Variants in MCC observed in about 807,000 individuals in gnomAD.
The protein encoded by MCC is colorectal mutant cancer protein.
A neutral mutation model predicts 116.2 loss-of-function variants in MCC; 90 were observed. The ratio of observed to expected loss-of-function variants is 0.77; its 90% CI spans 0.65 to 0.92. MCC has a LOEUF of 0.92. Ranked by LOEUF, MCC falls within the 40% of genes least tolerant of loss-of-function variation. The pLI, the probability that MCC is intolerant of heterozygous loss-of-function variation, is 0.00. For synonymous variants in MCC, 578 were observed against 510.5 expected (o/e 1.13, Z -1.78); for missense variants, 1,516 against 1,312.2 (o/e 1.16, Z -2.40).
At chr5:113,340,497 C>T in intron 3 of MCC, 22 bp downstream of exon 3, 1 of 1,607,704 alleles carries the variant, frequency 6.2e-7, no homozygotes, top group South Asian at 1.1e-5. Flanking sequence ...AATATGTATT[C>T]CATGAACCAA....
At chr5:113,465,428 A>G (rs911729145) in intron 1 of MCC, among the ~76,000 whole-genome samples, 2 of 152,162 alleles carry the variant, frequency 1.3e-5, no homozygotes, top group Admixed American at 6.5e-5. Context: ...TAAAATACTT[A>G]TAAGAAAATA....
chr5:113,468,257 G>T (rs1356825380), intron 1 of MCC, among the ~76,000 whole-genome samples: 2 of 152,122 alleles, frequency 1.3e-5, no homozygotes, highest in Non-Finnish European at 2.9e-5. Context: ...CCTGTCTTGT[G>T]CCAGTTTTCA....
chr5:113,129,693 T>C (rs1271794889), intron 5 of MCC, among the ~76,000 whole-genome samples: 1 of 152,218 alleles, frequency 6.6e-6, no homozygotes, highest in African/African-American at 2.4e-5. Context: ...CAGACACTTT[T>C]CAAAAGAAGA....
chr5:113,198,237 A>T (rs1762511743), intron 3 of MCC, among the ~76,000 whole-genome samples: 1 of 152,162 alleles, frequency 6.6e-6, no homozygotes, highest in Admixed American at 6.5e-5. Context: ...CTTCTTTCTG[A>T]GCTACTTGAT....
intron 3 of MCC, among the ~76,000 whole-genome samples, chr5:113,327,561 A>AAAAAAAATATATATATATAT (rs1480996383): frequency 2.5e-5 from 2 of 80,566 alleles, no homozygotes; most frequent in Non-Finnish European, 4.9e-5. Context: ...AAAAAAAAAA[A>AAAAAAAATATATATATATAT]ATATATATAT....
Position 113,353,754 on chromosome 5 carries a change from ATGT to A in MCC, c.416-13027_416-13025del, listed in dbSNP as rs757726616. On this transcript the variant is annotated intron_variant, in intron 2 of 18. Transcript: ENST00000408903. ...GCAAAGTGCATGAGGCACTTTAGAC[ATGT>A]TGTGATATTTTTATTTTTAGCTGAC... 1.9e-4 allele frequency among the ~76,000 whole-genome samples: 29 copies of A among 152,354 alleles called. 1 individual carries two copies. Among genetic ancestry groups the A allele is most frequent in the Admixed American group, 4.6e-4 (7 of 15,306 alleles).
chr5:113,190,468 G>A (rs1000189974), intron 3 of MCC, among the ~76,000 whole-genome samples: 70 of 152,258 alleles, frequency 4.6e-4, no homozygotes, highest in African/African-American at 1.6e-3. Flanking sequence ...GCACACCAAA[G>A]GAGGAGCTTA....
At chr5:113,339,436 T>TGTGC (rs1418820648) in intron 3 of MCC, among the ~76,000 whole-genome samples, 2 of 127,590 alleles carry the variant, frequency 1.6e-5, no homozygotes, top group African/African-American at 5.9e-5. Flanking sequence ...TGTGTGTGTG[T>TGTGC]GTGCGTGCAT....
chr5:113,257,427 A>G (rs1765056192), intron 3 of MCC, among the ~76,000 whole-genome samples: 1 of 152,196 alleles, frequency 6.6e-6, no homozygotes, highest in Non-Finnish European at 1.5e-5. Context: ...AGAGGACAGA[A>G]GGACTCCAGG....
chr5:113,455,892 A>G (rs1452650365), intron 1 of MCC, among the ~76,000 whole-genome samples: 1 of 152,224 alleles, frequency 6.6e-6, no homozygotes, highest in Admixed American at 6.5e-5. Context: ...GACCTGCACA[A>G]TTATCCCTAT....
chr5:113,120,426 T>A (rs890198219), intron 6 of MCC, among the ~76,000 whole-genome samples: 1 of 152,200 alleles, frequency 6.6e-6, no homozygotes, highest in African/African-American at 2.4e-5. Flanking sequence ...TGATGTATTT[T>A]ATTTGGCCTT....
rs78792986 is a variant in MCC at position 113,264,017 on chromosome 5, T to G, written c.627+76502A>C. Reference sequence around the variant, plus strand: ...TCACGCATCTCATCTGGTTCTTTAATTCCTCATTTTACAACAATGTTCTGG... The same window carrying G: ...TCACGCATCTCATCTGGTTCTTTAAGTCCTCATTTTACAACAATGTTCTGG... On this transcript the variant is annotated intron_variant, in intron 3 of 18. Coordinates refer to ENST00000408903, the MANE Select transcript of MCC (RefSeq NM_001085377.2). Among the ~76,000 whole-genome samples, 600 of 152,222 alleles carry G rather than the reference T, an allele frequency of 3.9e-3. 5 individuals carry two copies. The highest frequency in any genetic ancestry group is 0.013 in the African/African-American group (554 of 41,544).
At position 113,443,480 on chromosome 5, in the gene MCC, C is replaced by T. The variant is rs548212226; in HGVS notation, c.170+44765G>A. Among the ~76,000 whole-genome samples, 4 of 152,246 alleles carry T rather than the reference C, an allele frequency of 2.6e-5. No individual in the cohort carries two copies. In the South Asian group the frequency reaches 8.3e-4, roughly 32 times the overall value. On this transcript the variant is annotated intron_variant, in intron 1 of 18. Transcript: ENST00000408903. ...GACTTCTTCTTTTCCTATTTGAATACCTTTTTTTCTTTCTCTTGCTTGATT... is the reference window on the plus strand; with the variant it reads ...GACTTCTTCTTTTCCTATTTGAATATCTTTTTTTCTTTCTCTTGCTTGATT...
chr5:113,238,178 G>C lies in MCC; in HGVS notation c.628-86756C>G, dbSNP rs746349972. Among the ~76,000 whole-genome samples, 21 of 152,238 alleles carry C rather than the reference G, an allele frequency of 1.4e-4. No homozygotes were observed. In the South Asian group the frequency reaches 2.1e-3, roughly 15 times the overall value. ...CAGATGCAAAAATTACCAGGCTTTG[G>C]GGGTAGAGGCACCACTGTTGAAATA... On this transcript the variant is annotated intron_variant, in intron 3 of 18. Transcript: ENST00000408903.
intron 5 of MCC, among the ~76,000 whole-genome samples, chr5:113,126,584 C>T (rs1485187666): frequency 6.6e-6 from 1 of 151,640 alleles, no homozygotes; most frequent in African/African-American, 2.4e-5. Context: ...CCTAGAAATA[C>T]AAAAACAAAC....
intron 3 of MCC, among the ~76,000 whole-genome samples, chr5:113,296,919 A>C (rs536351827): frequency 1.8e-4 from 28 of 152,304 alleles, no homozygotes; most frequent in Non-Finnish European, 3.1e-4. Context: ...TTCAACCAAA[A>C]GAAAAGTAAT....
intron 3 of MCC, among the ~76,000 whole-genome samples, chr5:113,182,917 C>T (rs921914898): frequency 6.6e-6 from 1 of 152,170 alleles, no homozygotes; most frequent in Non-Finnish European, 1.5e-5. Context: ...AGTAATGTGC[C>T]ACAGACAGCA....
At chr5:113,283,209 C>T (rs187839852) in intron 3 of MCC, among the ~76,000 whole-genome samples, 116 of 152,248 alleles carry the variant, frequency 7.6e-4, no homozygotes, top group African/African-American at 2.6e-3. Flanking sequence ...ACTGGAAATA[C>T]CAAGGCGTGA....
chr5:113,046,585 C>A (rs1398255848), intron 16 of MCC, among the ~76,000 whole-genome samples: 1 of 150,764 alleles, frequency 6.6e-6, no homozygotes, highest in Admixed American at 6.6e-5. Context: ...GTTCATGGGC[C>A]TTCTGGCAAG....
Sources: gnomAD v4.1 joint callset for allele counts (sites outside exome capture counted in the v4.1 genomes callset) on GRCh38, gnomAD v4.1.1 for gene constraint, MANE v1.5 for transcripts, NCBI Gene and HGNC (gene_info 2026-07-23, HGNC 2026-07-21) for gene names.